The following USP24 variants were observed in gnomAD, a reference collection of about 807,000 sequenced individuals.
USP24 encodes the protein ubiquitin carboxyl-terminal hydrolase 24.
Under a neutral mutation model 361.6 loss-of-function variants are expected in USP24, and 97 were observed. The ratio of observed to expected loss-of-function variants is 0.27; its 90% CI spans 0.23 to 0.32. The LOEUF is 0.32. Ranked by LOEUF, USP24 falls within the 10% of genes least tolerant of loss-of-function variation. The pLI, the probability that USP24 is intolerant of heterozygous loss-of-function variation, is 1.00. For missense variants in USP24, 2,353 were observed against 3,165.6 expected, an observed-to-expected ratio of 0.74 and a Z score of 6.16; for synonymous variants, 1,098 against 1,124.6, an observed-to-expected ratio of 0.98 and a Z score of 0.47.
chr1:55,178,585 C>T (rs899513809), intron 1 of USP24, among the ~76,000 whole-genome samples: 2 of 151,778 alleles, frequency 1.3e-5, no homozygotes, highest in African/African-American at 2.4e-5. Context: ...AGGAGAATGG[C>T]GTGAACCCGG....
chr1:55,096,942 A>C lies in USP24; in HGVS notation c.5936+10T>G. On this transcript the variant is annotated intron_variant, in intron 49 of 67. Coordinates refer to ENST00000294383, the MANE Select transcript of USP24 (RefSeq NM_015306.3). ...GAAAGTGAGTAAGTGCTGCCTCAGG[A>C]AACTCTTACCGCCTGTCCTTAATGA... 6.2e-7 allele frequency: 1 copy of C among 1,611,334 alleles called. No individual in the cohort carries two copies. Among genetic ancestry groups the C allele is most frequent in the Non-Finnish European group, 8.5e-7 (1 of 1,178,348 alleles).
At chr1:55,133,699 T>A (rs1646657391) in intron 30 of USP24, among the ~76,000 whole-genome samples, 1 of 150,676 alleles carries the variant, frequency 6.6e-6, no homozygotes, top group South Asian at 2.1e-4. Context: ...GTGCAGTGTG[T>A]AATCTTGGCT....
At chr1:55,192,737 A>C (rs1406271255) in intron 1 of USP24, among the ~76,000 whole-genome samples, 3 of 152,380 alleles carry the variant, frequency 2.0e-5, no homozygotes, top group African/African-American at 7.2e-5. Flanking sequence ...AGACTAGAGA[A>C]AATAATTCCT....
chr1:55,191,548 T>C (rs946974852), intron 1 of USP24, among the ~76,000 whole-genome samples: 2 of 151,104 alleles, frequency 1.3e-5, no homozygotes, highest in Non-Finnish European at 2.9e-5. Flanking sequence ...TGGAGTGCAG[T>C]GGCACGGTCT....
intron 2 of USP24, among the ~76,000 whole-genome samples, chr1:55,177,389 GCAT>G (rs1265126945): frequency 6.6e-6 from 1 of 152,058 alleles, no homozygotes; most frequent in Non-Finnish European, 1.5e-5. Flanking sequence ...CCACTGCCTA[GCAT>G]AGTACCTAGA....
At chr1:55,151,547 A>T (rs1292981671) in intron 16 of USP24, among the ~76,000 whole-genome samples, 1 of 152,136 alleles carries the variant, frequency 6.6e-6, no homozygotes, top group African/African-American at 2.4e-5. Flanking sequence ...GAAGATAAAC[A>T]ACTTAAGGAA....
At chr1:55,158,410 A>G (rs1647918164) in intron 10 of USP24, among the ~76,000 whole-genome samples, 1 of 152,244 alleles carries the variant, frequency 6.6e-6, no homozygotes, top group Non-Finnish European at 1.5e-5. Context: ...TGTGTCACAC[A>G]CCAAAACCAA....
rs752451888 is a variant in USP24, at chr1:55,072,728, C to A, written c.7602+58G>T. ...ATTCAGTTCTAGAGATTTTTCCTGA[C>A]AAGATGTGCTATTATTGATTCCTAT... On this transcript the variant is annotated intron_variant, in intron 65 of 67. Transcript: ENST00000294383. 57 of 1,484,394 alleles carry A rather than the reference C, an allele frequency of 3.8e-5. 1 individual carries two copies. In the Admixed American group the frequency reaches 6.5e-4, roughly 17 times the overall value. The allele number at this position is 1,484,394 out of a possible 1,614,324, so 92.0% of individuals were successfully genotyped here.
chr1:55,177,242 GATAA>G (rs1650082065), intron 2 of USP24, among the ~76,000 whole-genome samples: 1 of 152,162 alleles, frequency 6.6e-6, no homozygotes, highest in African/African-American at 2.4e-5. Context: ...CATAGTAAGT[GATAA>G]ATACTTGCTA....
chr1:55,155,855 C>A (rs939008529), intron 12 of USP24, among the ~76,000 whole-genome samples: 1 of 152,178 alleles, frequency 6.6e-6, no homozygotes, highest in Non-Finnish European at 1.5e-5. Context: ...ACCTCTTTGA[C>A]AGTTCCAGCA....
At chr1:55,071,128 A>T in intron 67 of USP24, 5 of 985,048 alleles carry the variant, frequency 5.1e-6, no homozygotes, top group Non-Finnish European at 6.0e-6. Flanking sequence ...CACTTAAAAA[A>T]AAATGACACC....
At chr1:55,143,803 G>C (rs1557628758) in intron 21 of USP24, among the ~76,000 whole-genome samples, 2 of 152,120 alleles carry the variant, frequency 1.3e-5, no homozygotes, top group Non-Finnish European at 2.9e-5. Flanking sequence ...GATCTGAGGA[G>C]TTCGAAGCTT....
At chr1:55,167,735 A>T (rs1448334342) in intron 5 of USP24, among the ~76,000 whole-genome samples, 1 of 151,946 alleles carries the variant, frequency 6.6e-6, no homozygotes, top group East Asian at 1.9e-4. Flanking sequence ...AAATCAAAGG[A>T]CTTGTTTATG....
chr1:55,177,123 C>T (rs1026578666), intron 2 of USP24, among the ~76,000 whole-genome samples: 1 of 149,436 alleles, frequency 6.7e-6, no homozygotes, highest in Non-Finnish European at 1.5e-5. Context: ...AAAACAAAAA[C>T]AAAAACCAAA....
intron 24 of USP24, among the ~76,000 whole-genome samples, chr1:55,140,004 C>G (rs946719556): frequency 3.3e-5 from 5 of 151,574 alleles, no homozygotes; most frequent in East Asian, 1.9e-4. Context: ...GACAGAAACC[C>G]CCCCCACCCC....
intron 32 of USP24, 82 bp from the exon 33 acceptor site, chr1:55,125,840 GTCA>G: frequency 8.8e-7 from 1 of 1,137,874 alleles, no homozygotes; most frequent in African/African-American, 1.6e-5. Context: ...AATGTAATCA[GTCA>G]TCATCAATTA....
intron 60 of USP24, among the ~76,000 whole-genome samples, chr1:55,078,895 C>CA (rs1645082633): frequency 8.6e-6 from 1 of 115,754 alleles, no homozygotes; most frequent in Non-Finnish European, 1.8e-5. Flanking sequence ...TTTTCAAAGG[C>CA]AAAAGCTCCC....
intron 1 of USP24, among the ~76,000 whole-genome samples, chr1:55,190,164 CA>C (rs397696116): frequency 0.012 from 930 of 78,696 alleles, 9 homozygotes; most frequent in African/African-American, 0.044. Context: ...GACTCCATCT[CA>C]AAAAAAAAAA....
At chr1:55,093,348 T>C (rs891922455) in intron 52 of USP24, among the ~76,000 whole-genome samples, 3 of 152,234 alleles carry the variant, frequency 2.0e-5, no homozygotes, top group African/African-American at 7.2e-5. Flanking sequence ...TTTTGATTAA[T>C]TAGTGTATAA....
Sources: allele counts gnomAD v4.1 joint callset (sites outside exome capture counted in the v4.1 genomes callset), GRCh38; gene constraint gnomAD v4.1.1; transcripts MANE v1.5; gene names NCBI Gene and HGNC (gene_info 2026-07-23, HGNC 2026-07-21).